Variants in APBA1 observed in about 807,000 individuals in gnomAD.
The protein encoded by APBA1 is amyloid beta precursor protein binding family A member 1, also known as amyloid-beta A4 precursor protein-binding family A member 1.
APBA1 carries 55 observed loss-of-function variants against 86.6 expected under a neutral mutation model. That is an observed-to-expected ratio of 0.64 (90% confidence interval 0.51 to 0.80). The LOEUF (loss-of-function observed/expected upper bound fraction) is 0.80. Among genes scored for constraint, APBA1 ranks in the 30% least tolerant of loss-of-function variants. APBA1 has a pLI of 0.00. For synonymous variants in APBA1, 511 were observed against 493.9 expected, an observed-to-expected ratio of 1.03 and a Z score of -0.46; for missense variants, 1,090 against 1,183.0, an observed-to-expected ratio of 0.92 and a Z score of 1.15.
chr9:69,484,126 GT>G (rs1271668458), intron 2 of APBA1, among the ~76,000 whole-genome samples: 5 of 152,060 alleles, frequency 3.3e-5, no homozygotes. Context: ...TAATTGCATG[GT>G]TTGAGGGCTG....
intron 2 of APBA1, among the ~76,000 whole-genome samples, chr9:69,493,078 A>G (rs1484890017): frequency 6.6e-6 from 1 of 152,022 alleles, no homozygotes; most frequent in Non-Finnish European, 1.5e-5. Context: ...AGAGCTCATG[A>G]ACTTCTTCAC....
chr9:69,445,821 T>G (rs550132420), intron 10 of APBA1, among the ~76,000 whole-genome samples: 1 of 152,336 alleles, frequency 6.6e-6, no homozygotes, highest in African/African-American at 2.4e-5. Flanking sequence ...AGTGGCCAGA[T>G]GCAGAATGCA....
intron 1 of APBA1, among the ~76,000 whole-genome samples, chr9:69,659,183 C>A (rs1273387407): frequency 3.3e-5 from 5 of 152,120 alleles, no homozygotes; most frequent in Admixed American, 3.3e-4. Context: ...GTGTCACAGT[C>A]CTACATATGA....
At chr9:69,529,053 T>C (rs1836385622) in intron 1 of APBA1, among the ~76,000 whole-genome samples, 1 of 152,106 alleles carries the variant, frequency 6.6e-6, no homozygotes, top group Non-Finnish European at 1.5e-5. Flanking sequence ...TTCTAGCATC[T>C]TCCTTCTCCA....
At chr9:69,557,347 T>C (rs1352746266) in intron 1 of APBA1, among the ~76,000 whole-genome samples, 2 of 152,106 alleles carry the variant, frequency 1.3e-5, no homozygotes, top group African/African-American at 4.8e-5. Context: ...AGGAAGAAAA[T>C]TATTTCATCC....
chr9:69,461,472 T>G (rs1362189938), intron 5 of APBA1: 1 of 152,230 alleles, frequency 6.6e-6, no homozygotes, highest in African/African-American at 2.4e-5. Flanking sequence ...GAGAACTTGC[T>G]ATGTGCCAGA....
At chr9:69,458,617 T>C (rs2133817922) in intron 5 of APBA1, among the ~76,000 whole-genome samples, 1 of 152,300 alleles carries the variant, frequency 6.6e-6, no homozygotes, top group South Asian at 2.1e-4. Context: ...TTTATTCTGA[T>C]ATGCAAAGCT....
chr9:69,486,692 T>C lies in APBA1; in HGVS notation c.1201-10549A>G, dbSNP rs555567238. ...GGGACAGGAAAGCAGAGGAAGATAC[T>C]GGAAACACAGGCAGGGAGGAGGAAC... On this transcript the variant is annotated intron_variant, in intron 2 of 12. Coordinates refer to ENST00000265381, the MANE Select transcript of APBA1 (RefSeq NM_001163.4). Among the ~76,000 whole-genome samples the C allele has an allele frequency of 1.5e-3, 224 of 151,840 alleles. 1 individual carries two copies. The highest frequency in any genetic ancestry group is 2.4e-3 in the Non-Finnish European group (165 of 67,950).
intron 1 of APBA1, among the ~76,000 whole-genome samples, chr9:69,626,934 T>A (rs1379092440): frequency 6.6e-6 from 1 of 151,750 alleles, no homozygotes; most frequent in East Asian, 1.9e-4. Flanking sequence ...AATTTCCGAG[T>A]TATTATTTTA....
chr9:69,482,057 A>G (rs1467462536), intron 2 of APBA1, among the ~76,000 whole-genome samples: 1 of 151,534 alleles, frequency 6.6e-6, no homozygotes, highest in Non-Finnish European at 1.5e-5. Flanking sequence ...GGACATAGGC[A>G]TGGGCAAGGA....
intron 1 of APBA1, among the ~76,000 whole-genome samples, chr9:69,607,288 AG>A (rs1162649932): frequency 2.6e-5 from 4 of 152,330 alleles, no homozygotes; most frequent in Non-Finnish European, 5.9e-5. Context: ...GTGGCAGGCA[AG>A]AGAGCTTGTG....
intron 1 of APBA1, among the ~76,000 whole-genome samples, chr9:69,653,080 T>C (rs1314223629): frequency 1.3e-5 from 2 of 149,302 alleles, no homozygotes; most frequent in Admixed American, 6.7e-5. Context: ...TATAAAGACA[T>C]GCATAGACTG....
At chr9:69,595,807 C>G (rs1406249044) in intron 1 of APBA1, among the ~76,000 whole-genome samples, 1 of 152,092 alleles carries the variant, frequency 6.6e-6, no homozygotes, top group East Asian at 1.9e-4. Context: ...CTTTCAGTAT[C>G]TAAGCTCTAA....
intron 1 of APBA1, among the ~76,000 whole-genome samples, chr9:69,656,360 C>T (rs1261010968): frequency 6.6e-6 from 1 of 151,998 alleles, no homozygotes; most frequent in Non-Finnish European, 1.5e-5. Flanking sequence ...TGTCCTTCAA[C>T]AAAAGAATTG....
At chr9:69,648,269 C>G (rs917918742) in intron 1 of APBA1, among the ~76,000 whole-genome samples, 1 of 152,160 alleles carries the variant, frequency 6.6e-6, no homozygotes. Flanking sequence ...CTCCTAGAGA[C>G]CAGGTCAGAA....
At position 69,672,304 on chromosome 9, in the gene APBA1, G is replaced by A. The variant is rs1157982135; in HGVS notation, c.-221C>T. ...CGCAGCTGCCGCCGCCGCCGCCGCC[G>A]CCGGGACCGCAGCCGCCCTCGCCCA... On this transcript the variant is annotated 5_prime_UTR_variant, in exon 1 of 13. Transcript: ENST00000265381. 5.7e-6 allele frequency: 1 copy of A among 175,482 alleles called. No homozygotes were observed. The allele number at this position is 175,482 out of a possible 1,614,324, so 10.9% of individuals were successfully genotyped here. A position where few individuals can be genotyped will look rare whatever the true frequency, so the allele number is the denominator to read the frequency against.
At chr9:69,465,057 G>C (rs1835254208) in intron 5 of APBA1, 1 of 152,268 alleles carries the variant, frequency 6.6e-6, no homozygotes, top group Non-Finnish European at 1.5e-5. Flanking sequence ...AGATACGCCT[G>C]AACGGGCTCT....
At chr9:69,486,757 G>C (rs545793909) in intron 2 of APBA1, among the ~76,000 whole-genome samples, 1 of 152,176 alleles carries the variant, frequency 6.6e-6, no homozygotes, top group Admixed American at 6.5e-5. Flanking sequence ...CTGCGGAGCC[G>C]GGCTGGGACT....
At chr9:69,543,871 C>T (rs1336103176) in intron 1 of APBA1, among the ~76,000 whole-genome samples, 1 of 152,192 alleles carries the variant, frequency 6.6e-6, no homozygotes, top group African/African-American at 2.4e-5. Flanking sequence ...AATTGGATCA[C>T]TCTGCCATCA....
Sources: gnomAD v4.1 joint callset for allele counts (sites outside exome capture counted in the v4.1 genomes callset) on GRCh38, gnomAD v4.1.1 for gene constraint, MANE v1.5 for transcripts, NCBI Gene and HGNC (gene_info 2026-07-23, HGNC 2026-07-21) for gene names.